Variants in ADCY5 observed in about 807,000 individuals in gnomAD.
The protein encoded by ADCY5 is adenylate cyclase 5, also known as adenylate cyclase type 5.
ADCY5 carries 30 observed loss-of-function variants against 119.7 expected under a neutral mutation model. The ratio of observed to expected loss-of-function variants is 0.25; its 90% CI spans 0.19 to 0.34. The LOEUF is 0.34. Ranked by LOEUF, ADCY5 falls within the 10% of genes least tolerant of loss-of-function variation. The pLI is 1.00. For missense variants in ADCY5, 1,324 were observed against 1,775.2 expected (o/e 0.75, Z 4.57); for synonymous variants, 753 against 762.2 (o/e 0.99, Z 0.20).
At chr3:123,300,344 C>T (rs374840029) in intron 14 of ADCY5, 49 bp from the exon 15 acceptor site, 10 of 1,585,350 alleles carry the variant, frequency 6.3e-6, no homozygotes, top group East Asian at 2.3e-5. Flanking sequence ...TGCCCGACCC[C>T]GGGCCCTGGC....
At chr3:123,347,205 GTGTT>G (rs960551270) in intron 3 of ADCY5, among the ~76,000 whole-genome samples, 3 of 152,158 alleles carry the variant, frequency 2.0e-5, no homozygotes, top group Non-Finnish European at 1.5e-5. Context: ...TCTTGGTGAT[GTGTT>G]TTTTTCTTTA....
chr3:123,385,234 C>CAGGGGAA (rs1021511091), intron 1 of ADCY5, among the ~76,000 whole-genome samples: 9 of 152,060 alleles, frequency 5.9e-5, no homozygotes, highest in African/African-American at 2.2e-4. Flanking sequence ...ATTCACACTG[C>CAGGGGAA]AGGGGAAAGC....
chr3:123,361,683 A>T (rs1275816293), intron 1 of ADCY5, among the ~76,000 whole-genome samples: 1 of 152,170 alleles, frequency 6.6e-6, no homozygotes, highest in Non-Finnish European at 1.5e-5. Context: ...AATGCTAGGG[A>T]CCAGAAGTGT....
chr3:123,302,532 A>G (rs1939907603), intron 14 of ADCY5, among the ~76,000 whole-genome samples: 1 of 152,054 alleles, frequency 6.6e-6, no homozygotes, highest in South Asian at 2.1e-4. Context: ...GCTGGGGCTT[A>G]GGTGGGTTCT....
rs1941564366 is a variant in ADCY5, at chr3:123,327,731, T to A, written c.1834A>T (p.Asn612Tyr). The change falls in exon 7 of 21, where the codon AAC (asparagine) becomes TAC (tyrosine). Residue 612 changes from asparagine (N) to tyrosine (Y), a missense_variant. Coordinates refer to ENST00000462833, the MANE Select transcript of ADCY5 (RefSeq NM_183357.3). Reference protein sequence around the residue: ...GRIHITKATLNYLNGDYEVEP... With the variant: ...GRIHITKATLYYLNGDYEVEP... The stretch of plus-strand genomic sequence containing the variant: ...ACCTCGTAGTCCCCATTCAGGTAGT[T>A]GAGTGTAGCCTTGGTGATGTGGATG... 6.2e-7 allele frequency: 1 copy of A among 1,613,874 alleles called. No individual in the cohort carries two copies. Among genetic ancestry groups the A allele is most frequent in the African/African-American group, 1.3e-5 (1 of 74,864 alleles).
rs779269584 is a variant in ADCY5, at chr3:123,448,329, A to C, written c.217T>G (p.Trp73Gly). ...PQQQQRLASRWRSDDDDDPPL... is the reference protein window; with the variant it reads ...PQQQQRLASRGRSDDDDDPPL... ...GGATCGTCGTCGTCGTCGCTGCGCC[A>C]GCGGCTGGCCAGGCGCTGCTGCTGC... is the stretch of plus-strand genomic sequence containing the variant. Residue 73 changes from tryptophan to glycine, a missense_variant, in exon 1 of 21, where the codon TGG becomes GGG. By Grantham distance (184) the Trp-to-Gly change is radical (BLOSUM62 -2). This residue lies in a region of ADCY5 where 585 missense variants were observed against 569.9 expected (regional missense o/e 1.03). Transcript: ENST00000462833. The C allele has an allele frequency of 6.5e-7, 1 of 1,534,636 alleles. No homozygotes were observed. Among genetic ancestry groups the C allele is most frequent in the Non-Finnish European group, 8.7e-7 (1 of 1,151,658 alleles).
chr3:123,325,627 G>A (rs1034921380), intron 7 of ADCY5, among the ~76,000 whole-genome samples, 165 bp from the exon 8 acceptor site: 8 of 152,182 alleles, frequency 5.3e-5, no homozygotes, highest in Non-Finnish European at 1.0e-4. Context: ...GAACTCCCCA[G>A]GCAAGCATCC....
chr3:123,367,398 G>A (rs1943483043), intron 1 of ADCY5, among the ~76,000 whole-genome samples: 1 of 152,222 alleles, frequency 6.6e-6, no homozygotes, highest in African/African-American at 2.4e-5. Flanking sequence ...TGACCTCTGG[G>A]ATAAGGAGAC....
intron 1 of ADCY5, among the ~76,000 whole-genome samples, chr3:123,431,285 A>G (rs1001758332): frequency 7.2e-5 from 11 of 152,134 alleles, no homozygotes; most frequent in African/African-American, 2.4e-4. Flanking sequence ...TGTTTATACA[A>G]TTTCTCCCTA....
chr3:123,373,769 C>CCG (rs1943725322), intron 1 of ADCY5, among the ~76,000 whole-genome samples: 1 of 38,810 alleles, frequency 2.6e-5, no homozygotes, highest in Admixed American at 2.8e-4. Flanking sequence ...CCCCCCCCCC[C>CCG]CCGACCCCCC....
chr3:123,330,907 TC>T lies in ADCY5; in HGVS notation c.1627del (p.Asp543ThrfsTer2). The T allele has an allele frequency of 6.2e-7, 1 of 1,613,484 alleles. No homozygotes were observed. The highest frequency in any genetic ancestry group is 8.5e-7 in the Non-Finnish European group (1 of 1,179,728). ...CACTTACGAGATGGCCTCGATCATG[TC>T]CATGCCCATCTCCACACAGCAGTGG... Reference protein sequence around the residue: ...HAHCCVEMGMDMIEAISLVRE... With the variant: ...HAHCCVEMGMXMIEAISLVRE... On this transcript the variant is annotated frameshift_variant, in exon 5 of 21. Transcript: ENST00000462833. LOFTEE classifies it high-confidence loss of function.
chr3:123,316,483 TAC>T (rs1396148143), intron 11 of ADCY5, among the ~76,000 whole-genome samples: 2 of 152,256 alleles, frequency 1.3e-5, no homozygotes, highest in African/African-American at 4.8e-5. Flanking sequence ...GATCATTATA[TAC>T]AGTTACGGAA....
intron 3 of ADCY5, among the ~76,000 whole-genome samples, chr3:123,337,053 A>G (rs529976882): frequency 5.9e-5 from 9 of 152,258 alleles, no homozygotes; most frequent in Non-Finnish European, 1.2e-4. Context: ...ACACTAGTTT[A>G]AAGGTTGCCT....
At chr3:123,433,757 C>T (rs1394223741) in intron 1 of ADCY5, among the ~76,000 whole-genome samples, 1 of 152,116 alleles carries the variant, frequency 6.6e-6, no homozygotes, top group Non-Finnish European at 1.5e-5. Context: ...CAGCAGCCTC[C>T]TCCCTTCCCT....
At position 123,448,688 on chromosome 3, in the gene ADCY5, C is replaced by T; in HGVS notation, c.-143G>A. 2 of 654,050 alleles carry T rather than the reference C, an allele frequency of 3.1e-6. No individual in the cohort carries two copies. The highest frequency in any genetic ancestry group is 4.3e-6 in the Non-Finnish European group (2 of 459,944). 40.5% of individuals were successfully genotyped at this position (654,050 alleles called of 1,614,324 possible). A position where few individuals can be genotyped will look rare whatever the true frequency, so the allele number is the denominator to read the frequency against. Reference sequence around the variant, plus strand: ...CCCGGGGCCCTGCGCTGCAGCGGGGCATCTTGGCACCCCCGTCCTGAGCGG... The same window carrying T: ...CCCGGGGCCCTGCGCTGCAGCGGGGTATCTTGGCACCCCCGTCCTGAGCGG... On this transcript the variant is annotated 5_prime_UTR_variant, in exon 1 of 21. An upstream start codon of the reference 5' UTR is lost. Transcript: ENST00000462833.
At chr3:123,320,505 C>T (rs750450318) in intron 9 of ADCY5, among the ~76,000 whole-genome samples, 2 of 152,212 alleles carry the variant, frequency 1.3e-5, no homozygotes, top group East Asian at 1.9e-4. Context: ...AAGCGTGTCA[C>T]GGAGATAAAA....
At chr3:123,315,585 T>C (rs747661479) in intron 11 of ADCY5, among the ~76,000 whole-genome samples, 3 of 151,390 alleles carry the variant, frequency 2.0e-5, no homozygotes, top group Non-Finnish European at 3.0e-5. Context: ...AGATTGCTCT[T>C]TTTTTTTTGA....
At chr3:123,320,901 C>A in intron 8 of ADCY5, 130 bp from the exon 9 acceptor site, 1 of 686,130 alleles carries the variant, frequency 1.5e-6, no homozygotes, top group Non-Finnish European at 2.6e-6. Flanking sequence ...AGAGGATTGT[C>A]ATTCAGCAGC....
At chr3:123,289,492 A>G (rs1939002420) in intron 19 of ADCY5, among the ~76,000 whole-genome samples, 1 of 152,252 alleles carries the variant, frequency 6.6e-6, no homozygotes, top group Non-Finnish European at 1.5e-5. Flanking sequence ...GGAACTCACC[A>G]AGGGGTGTCC....
Sources: gnomAD v4.1 joint callset for allele counts (sites outside exome capture counted in the v4.1 genomes callset) on GRCh38, gnomAD v4.1.1 for gene constraint, gnomAD v4.1.1 regional missense constraint, MANE v1.5 for transcripts, NCBI Gene and HGNC (gene_info 2026-07-23, HGNC 2026-07-21) for gene names.